Variants in PIGL observed in about 807,000 individuals in gnomAD.
The protein encoded by PIGL is phosphatidylinositol glycan anchor biosynthesis class L.
A neutral mutation model predicts 31.1 loss-of-function variants in PIGL; 22 were observed. That is an observed-to-expected ratio of 0.71 (90% confidence interval 0.51 to 1.01). The LOEUF (loss-of-function observed/expected upper bound fraction) is 1.01, where lower values mean the gene tolerates loss of function less well. Ranked by LOEUF, PIGL falls within the 50% of genes least tolerant of loss-of-function variation. The pLI is 0.00. For synonymous variants in PIGL, 131 were observed against 117.4 expected (o/e 1.12, Z -0.75); for missense variants, 302 against 315.9 (o/e 0.96, Z 0.33).
chr17:16,313,693 T>TA, intron 4 of PIGL, 79 bp downstream of exon 4: 1 of 1,141,524 alleles, frequency 8.8e-7, no homozygotes. Flanking sequence ...CTAAAGCACT[T>TA]TCCCACTTGT....
intron 6 of PIGL, among the ~76,000 whole-genome samples, chr17:16,320,431 GGGAGGGAAGGAAAGAAGGAAGGGAGGGAA>G (rs1342218370): frequency 6.9e-5 from 8 of 116,472 alleles, no homozygotes; most frequent in African/African-American, 3.2e-4. Context: ...AAGGAAGGGA[GGGAGGGAAGGAAAGAAGGAAGGGAGGGAA>G]GGAGGGAAGG....
chr17:16,289,387 C>T (rs2092951267), intron 2 of PIGL, among the ~76,000 whole-genome samples: 1 of 152,224 alleles, frequency 6.6e-6, no homozygotes, highest in African/African-American at 2.4e-5. Context: ...TCTCATCCAA[C>T]TCCATTCTTC....
At chr17:16,309,727 C>T (rs575198274) in intron 3 of PIGL, among the ~76,000 whole-genome samples, 22 of 147,056 alleles carry the variant, frequency 1.5e-4, no homozygotes, top group African/African-American at 4.3e-4. Context: ...TGCGCCACTG[C>T]GCTCCAGCCT....
At chr17:16,235,954 T>G (rs2092698262) in intron 2 of PIGL, among the ~76,000 whole-genome samples, 1 of 152,104 alleles carries the variant, frequency 6.6e-6, no homozygotes, top group South Asian at 2.1e-4. Context: ...CCCGTCAAAC[T>G]TTCATATGTT....
chr17:16,228,313 C>T (rs2092662145), intron 1 of PIGL, among the ~76,000 whole-genome samples: 1 of 152,040 alleles, frequency 6.6e-6, no homozygotes, highest in African/African-American at 2.4e-5. Flanking sequence ...CTTCCTCGGC[C>T]TCCCAAAGTG....
At chr17:16,255,625 T>C (rs1216924511) in intron 2 of PIGL, among the ~76,000 whole-genome samples, 1 of 152,154 alleles carries the variant, frequency 6.6e-6, no homozygotes, top group African/African-American at 2.4e-5. Context: ...CTCTCTCCTC[T>C]TGAGACTCAG....
At chr17:16,237,472 T>C (rs2092704081) in intron 2 of PIGL, among the ~76,000 whole-genome samples, 1 of 151,660 alleles carries the variant, frequency 6.6e-6, no homozygotes, top group African/African-American at 2.4e-5. Flanking sequence ...AAAGTTAATA[T>C]TTCAGGGGTT....
In PIGL at chr17:16,225,794, G is replaced by A. The variant is rs2092649684; in HGVS notation, c.236-8177G>A. Among the ~76,000 whole-genome samples the A allele has an allele frequency of 2.6e-5, 4 of 151,934 alleles. No homozygotes were observed. The South Asian group carries it at 8.3e-4, about 32-fold the overall frequency. ...TTAGATTGAGATTTTTCAGGCCATA[G>A]AGGTCATATAAATTCAGGGATCAAA... On this transcript the variant is annotated intron_variant, in intron 1 of 6. Coordinates refer to ENST00000225609, the MANE Select transcript of PIGL (RefSeq NM_004278.4).
intron 2 of PIGL, among the ~76,000 whole-genome samples, chr17:16,264,630 ATTATTATT>A (rs1461850017): frequency 6.8e-6 from 1 of 147,522 alleles, no homozygotes; most frequent in African/African-American, 2.5e-5. Flanking sequence ...TATTATTATT[ATTATTATT>A]ATTATTATTA....
intron 2 of PIGL, 29 bp from the exon 3 acceptor site, chr17:16,299,859 G>C (rs748741504): frequency 1.3e-6 from 2 of 1,508,182 alleles, no homozygotes; most frequent in East Asian, 4.5e-5. Context: ...GATTAGAAAA[G>C]GTGTTCAAGT....
At chr17:16,321,245 T>TC (rs1417894838) in intron 6 of PIGL, among the ~76,000 whole-genome samples, 1 of 149,586 alleles carries the variant, frequency 6.7e-6, no homozygotes, top group East Asian at 2.0e-4. Context: ...GCCTTTTTTT[T>TC]TTTTTTTTTT....
chr17:16,282,014 G>A (rs772566391), intron 2 of PIGL: 2 of 516,820 alleles, frequency 3.9e-6, no homozygotes, highest in Non-Finnish European at 8.0e-6. Context: ...GCACTGCTAA[G>A]AGGGTGTTGA....
intron 1 of PIGL, among the ~76,000 whole-genome samples, chr17:16,219,395 CT>C (rs2092615606): frequency 6.6e-6 from 1 of 151,922 alleles, no homozygotes; most frequent in African/African-American, 2.4e-5. Context: ...TTAGTATCTT[CT>C]CCCCCAAAAA....
chr17:16,326,112 A>G lies in PIGL; in HGVS notation c.*214A>G, dbSNP rs1763183374. On this transcript the variant is annotated 3_prime_UTR_variant, in exon 7 of 7. Coordinates refer to ENST00000225609, the MANE Select transcript of PIGL (RefSeq NM_004278.4). The stretch of plus-strand genomic sequence containing the variant: ...AAAGAACCAAAAACAAACCACCCCA[A>G]GGATAATAATAGCTACACTGCTAGC... The G allele has an allele frequency of 1.8e-6, 1 of 557,414 alleles. No homozygotes were observed. 34.5% of individuals were successfully genotyped at this position (557,414 alleles called of 1,614,324 possible). A position where few individuals can be genotyped will look rare whatever the true frequency, so the allele number is the denominator to read the frequency against.
In PIGL at chr17:16,217,336, T is replaced by G; in HGVS notation, c.110T>G (p.Leu37Arg). 1 of 1,614,168 alleles carries G rather than the reference T, an allele frequency of 6.2e-7. No individual in the cohort carries two copies. Among genetic ancestry groups the G allele is most frequent in the Non-Finnish European group, 8.5e-7 (1 of 1,180,022 alleles). The change falls in exon 1 of 7, where the codon CTG becomes CGG. Residue 37 changes from leucine (L) to arginine (R), a missense_variant. Physicochemically the swap from Leu to Arg is moderately radical, Grantham distance 102. Transcript: ENST00000225609. ...RMKSREQGGRLGAESRTLLVI... is the reference protein window; with the variant it reads ...RMKSREQGGRRGAESRTLLVI... ...AAGAGTCGGGAGCAGGGAGGACGGCTGGGAGCCGAAAGCCGGACCCTGCTG... is the reference window on the plus strand; with the variant it reads ...AAGAGTCGGGAGCAGGGAGGACGGCGGGGAGCCGAAAGCCGGACCCTGCTG...
chr17:16,242,606 C>G (rs1278124239), intron 2 of PIGL, among the ~76,000 whole-genome samples: 1 of 122,452 alleles, frequency 8.2e-6, no homozygotes. Flanking sequence ...CTAATACAAT[C>G]TTTCATGTTT....
chr17:16,263,833 C>CTTTTT (rs913026747), intron 2 of PIGL, among the ~76,000 whole-genome samples: 2 of 76,980 alleles, frequency 2.6e-5, no homozygotes, highest in Non-Finnish European at 4.7e-5. Flanking sequence ...TAAATGTTGA[C>CTTTTT]TTTTTTTTTT....
intron 2 of PIGL, among the ~76,000 whole-genome samples, chr17:16,238,616 A>T (rs958100279): frequency 1.3e-4 from 19 of 149,832 alleles, no homozygotes; most frequent in Non-Finnish European, 8.9e-5. Flanking sequence ...TTGTATTTTT[A>T]GTAAGACAGG....
chr17:16,277,061 C>T (rs2092898956), intron 2 of PIGL, among the ~76,000 whole-genome samples: 1 of 152,144 alleles, frequency 6.6e-6, no homozygotes, highest in Non-Finnish European at 1.5e-5. Flanking sequence ...TCTTGAGATC[C>T]CAAGATAACT....
Sources: allele counts gnomAD v4.1 joint callset (sites outside exome capture counted in the v4.1 genomes callset), GRCh38; gene constraint gnomAD v4.1.1; transcripts MANE v1.5; gene names NCBI Gene and HGNC (gene_info 2026-07-23, HGNC 2026-07-21).